The following NOD1 variants were observed in gnomAD, a reference collection of about 807,000 sequenced individuals.
The protein encoded by NOD1 is nucleotide-binding oligomerization domain-containing protein 1.
In NOD1, 70 loss-of-function variants were observed where a neutral mutation model predicts 81.2. The ratio of observed to expected loss-of-function variants is 0.86; its 90% CI spans 0.71 to 1.05. The LOEUF (loss-of-function observed/expected upper bound fraction) is 1.05, where lower values mean the gene tolerates loss of function less well. Ranked by LOEUF, NOD1 falls within the 50% of genes least tolerant of loss-of-function variation. NOD1 has a pLI of 0.00. For synonymous variants in NOD1, 508 were observed against 526.9 expected, an observed-to-expected ratio of 0.96 and a Z score of 0.49; for missense variants, 1,233 against 1,228.0, an observed-to-expected ratio of 1.00 and a Z score of -0.06.
chr7:30,448,153 C>T, intron 7 of NOD1, 145 bp downstream of exon 7: 1 of 679,760 alleles, frequency 1.5e-6, no homozygotes, highest in East Asian at 2.6e-5. Context: ...ACAAAGAGAA[C>T]CCAGGACTCT....
Position 30,467,595 on chromosome 7 carries a change from T to C in NOD1, c.-351-7554A>G, listed in dbSNP as rs1433011575. 6.6e-6 allele frequency among the ~76,000 whole-genome samples: 1 copy of C among 152,212 alleles called. No individual in the cohort carries two copies. The highest frequency in any genetic ancestry group is 2.4e-5 in the African/African-American group (1 of 41,456). ...TCAGATGAGATGTTAAGACTTTCTG[T>C]GCACCTGTAAATCAATAAAAAGCTC... On this transcript the variant is annotated intron_variant, in intron 1 of 13. Transcript: ENST00000222823. This position sits in a 1 kb window ranked among gnomAD's most constrained non-coding sequence, Gnocchi z 4.5.
At chr7:30,455,086 C>T in intron 5 of NOD1, 51 bp downstream of exon 5, 3 of 1,586,290 alleles carry the variant, frequency 1.9e-6, no homozygotes, top group Non-Finnish European at 2.6e-6. Context: ...CCAAACCCCC[C>T]AGGGCCCTGC....
intron 1 of NOD1, chr7:30,460,323 C>T (rs1303211103): frequency 2.0e-6 from 2 of 985,292 alleles, no homozygotes; most frequent in Non-Finnish European, 2.4e-6. Flanking sequence ...ATCTGCTGGC[C>T]CTGGGGGGCA....
chr7:30,434,415 G>C (rs556404494), intron 11 of NOD1, among the ~76,000 whole-genome samples: 4 of 152,132 alleles, frequency 2.6e-5, no homozygotes, highest in African/African-American at 9.7e-5. Context: ...GCAGAGATGC[G>C]GCTAAACCGT....
At chr7:30,475,361 T>G (rs1485544548) in intron 1 of NOD1, among the ~76,000 whole-genome samples, 3 of 152,240 alleles carry the variant, frequency 2.0e-5, no homozygotes, top group Admixed American at 6.5e-5. Context: ...TATTAAAATC[T>G]TAATCTGCCA....
At chr7:30,460,256 T>G in intron 1 of NOD1, 2 of 985,454 alleles carry the variant, frequency 2.0e-6, no homozygotes, top group Non-Finnish European at 2.4e-6. Flanking sequence ...CATGGGAGAC[T>G]GGAGATCAAT....
At chr7:30,453,079 GGAGA>G (rs1337754575) in intron 5 of NOD1, 39 bp from the exon 6 acceptor site, 1 of 1,564,180 alleles carries the variant, frequency 6.4e-7, no homozygotes, top group Non-Finnish European at 8.7e-7. Flanking sequence ...AGCAGGGTGA[GGAGA>G]GAGGCAGAAA....
intron 12 of NOD1, among the ~76,000 whole-genome samples, chr7:30,429,919 A>G (rs1376669343): frequency 6.6e-6 from 1 of 152,064 alleles, no homozygotes; most frequent in Non-Finnish European, 1.5e-5. Context: ...TACTCGGGAG[A>G]CTGAGGTAGG....
chr7:30,446,042 G>C, intron 9 of NOD1, 99 bp downstream of exon 9: 1 of 895,480 alleles, frequency 1.1e-6, no homozygotes, highest in Non-Finnish European at 1.9e-6. Flanking sequence ...GCGAGCCCCA[G>C]TGGTCCTTCT....
At chr7:30,453,103 A>C in intron 5 of NOD1, 63 bp from the exon 6 acceptor site, 1 of 1,528,898 alleles carries the variant, frequency 6.5e-7, no homozygotes, top group South Asian at 1.3e-5. Context: ...ACAGCATCAA[A>C]CAGGGAGGTC....
In NOD1 at chr7:30,456,818, C is replaced by T. The variant is rs764315889; in HGVS notation, c.104G>A (p.Arg35His). The part of the protein sequence containing the change: ...SNRELLVTHI[R>H]NTQCLVDNLL... Reference sequence around the variant, plus strand: ...GTTGTCCACCAGACACTGAGTATTGCGGATGTGAGTGACCAGAAGTTCCCG... The same window carrying T: ...GTTGTCCACCAGACACTGAGTATTGTGGATGTGAGTGACCAGAAGTTCCCG... Residue 35 changes from arginine (R) to histidine (H), a missense_variant, in exon 4 of 14, where the codon CGC becomes CAC. By Grantham distance (29) the Arg-to-His change is conservative. Coordinates refer to ENST00000222823, the MANE Select transcript of NOD1 (RefSeq NM_006092.4). 6.4e-5 allele frequency: 103 copies of T among 1,614,006 alleles called. No individual in the cohort carries two copies. In the South Asian group the frequency reaches 6.5e-4, roughly 10 times the overall value.
intron 9 of NOD1, among the ~76,000 whole-genome samples, chr7:30,445,334 T>C (rs1028036217): frequency 4.1e-5 from 6 of 146,470 alleles, no homozygotes; most frequent in Non-Finnish European, 6.0e-5. Context: ...GAGACATTTG[T>C]ATGCCCATGT....
intron 9 of NOD1, among the ~76,000 whole-genome samples, chr7:30,437,966 T>C (rs949743942): frequency 2.0e-5 from 3 of 152,190 alleles, no homozygotes; most frequent in African/African-American, 7.2e-5. Context: ...CCCAGGAGCC[T>C]GAGCTCATGA....
chr7:30,428,720 A>C (rs926992050), intron 13 of NOD1: 1 of 152,122 alleles, frequency 6.6e-6, no homozygotes, highest in Non-Finnish European at 1.5e-5. Context: ...AAAGGAGGAC[A>C]TAGTTAATAA....
intron 13 of NOD1, among the ~76,000 whole-genome samples, chr7:30,427,654 CCT>C (rs1250943338): frequency 6.6e-6 from 1 of 152,198 alleles, no homozygotes; most frequent in Non-Finnish European, 1.5e-5. Context: ...GGCCAGTTCC[CCT>C]CTCCACCCTG....
Position 30,448,386 on chromosome 7 carries a change from A to G in NOD1, c.2202-5T>C. 1.9e-6 allele frequency: 3 copies of G among 1,612,906 alleles called. No individual in the cohort carries two copies. The highest frequency in any genetic ancestry group is 2.5e-6 in the Non-Finnish European group (3 of 1,178,866). On this transcript the variant is annotated splice_polypyrimidine_tract_variant and splice_region_variant and intron_variant, in intron 6 of 13. Transcript: ENST00000222823. The stretch of plus-strand genomic sequence containing the variant: ...GTGATCTGGTTTACGCTGAGTCTGA[A>G]ATAAAACAGCAAAAAAATTACGAGT...
chr7:30,434,453 A>G (rs1164227424), intron 11 of NOD1, among the ~76,000 whole-genome samples: 1 of 152,196 alleles, frequency 6.6e-6, no homozygotes, highest in Non-Finnish European at 1.5e-5. Flanking sequence ...GCCCTACCAT[A>G]ATAAAGAATC....
chr7:30,452,724 G>T lies in NOD1; in HGVS notation c.693C>A (p.Phe231Leu). 1 of 1,613,990 alleles carries T rather than the reference G, an allele frequency of 6.2e-7. No homozygotes were observed. The highest frequency in any genetic ancestry group is 1.1e-5 in the South Asian group (1 of 91,088). Reference protein sequence around the residue: ...TGRLDAGVKFFFHFRCRMFSC... With the variant: ...TGRLDAGVKFLFHFRCRMFSC... ...TGAACATGCGGCAGCGAAAGTGGAA[G>T]AAGAATTTGACCCCTGCGTCTAGCC... is the stretch of plus-strand genomic sequence containing the variant. Residue 231 changes from phenylalanine to leucine, a missense_variant, in exon 6 of 14, where the codon TTC becomes TTA. Physicochemically the swap from Phe to Leu is conservative, Grantham distance 22. Transcript: ENST00000222823.
At chr7:30,446,818 C>T (rs1785141226) in intron 8 of NOD1, 149 bp downstream of exon 8, 2 of 646,736 alleles carry the variant, frequency 3.1e-6, no homozygotes, top group Non-Finnish European at 5.4e-6. Context: ...TCACAGATCA[C>T]ACAGAGGTAT....
Sources: gnomAD v4.1 joint callset for allele counts (sites outside exome capture counted in the v4.1 genomes callset) on GRCh38, gnomAD v4.1.1 for gene constraint, Gnocchi (gnomAD v3.1) non-coding constraint, MANE v1.5 for transcripts, NCBI Gene and HGNC (gene_info 2026-07-23, HGNC 2026-07-21) for gene names.